Variants in ZNF438 observed in about 807,000 individuals in gnomAD.
ZNF438 encodes zinc finger protein 438.
Under a neutral mutation model 38.0 loss-of-function variants are expected in ZNF438, and 25 were observed. The observed-to-expected ratio is 0.66, with a 90% CI of 0.48 to 0.92. The LOEUF (loss-of-function observed/expected upper bound fraction) is 0.92, where lower values mean the gene tolerates loss of function less well. Ranked by LOEUF, ZNF438 falls within the 40% of genes least tolerant of loss-of-function variation. The pLI, the probability that ZNF438 is intolerant of heterozygous loss-of-function variation, is 0.00. For missense variants in ZNF438, 1,007 were observed against 999.6 expected (o/e 1.01, Z -0.10); for synonymous variants, 372 against 364.1 (o/e 1.02, Z -0.25).
At chr10:31,003,983 T>C (rs1440847679) in intron 1 of ZNF438, among the ~76,000 whole-genome samples, 1 of 152,202 alleles carries the variant, frequency 6.6e-6, no homozygotes, top group African/African-American at 2.4e-5. Context: ...CTAGGAGACA[T>C]TCAAGTGGAG....
intron 4 of ZNF438, among the ~76,000 whole-genome samples, chr10:30,860,123 G>C (rs2133117520): frequency 6.6e-6 from 1 of 152,132 alleles, no homozygotes; most frequent in African/African-American, 2.4e-5. Flanking sequence ...TCTAACCTTG[G>C]CCATAAAGAA....
chr10:30,854,723 T>C (rs1422837625), intron 4 of ZNF438, among the ~76,000 whole-genome samples: 2 of 152,078 alleles, frequency 1.3e-5, no homozygotes, highest in African/African-American at 4.8e-5. Context: ...TGCTGGGGCA[T>C]AAACTGAAAT....
intron 1 of ZNF438, among the ~76,000 whole-genome samples, chr10:30,946,958 A>G (rs1293913605): frequency 6.6e-6 from 1 of 152,264 alleles, no homozygotes; most frequent in African/African-American, 2.4e-5. Context: ...TTCAAATATT[A>G]TACCACGTCA....
At chr10:30,950,448 A>T (rs1737960564) in intron 1 of ZNF438, among the ~76,000 whole-genome samples, 2 of 149,892 alleles carry the variant, frequency 1.3e-5, no homozygotes, top group African/African-American at 4.9e-5. Flanking sequence ...CAAAAAATTA[A>T]TGAATCCAGG....
intron 4 of ZNF438, among the ~76,000 whole-genome samples, chr10:30,861,341 A>T (rs930298261): frequency 6.6e-6 from 1 of 152,256 alleles, no homozygotes; most frequent in East Asian, 1.9e-4. Flanking sequence ...TATTCAATAT[A>T]GATGCAGTTC....
chr10:30,844,909 G>A, exon 6 of ZNF438: 1 of 1,572,838 alleles, frequency 6.4e-7, no homozygotes, highest in Non-Finnish European at 8.6e-7. Context: ...ACGAAGCTCT[G>A]AAGGAAGGTG....
intron 2 of ZNF438, among the ~76,000 whole-genome samples, chr10:30,934,695 T>C (rs186817010): frequency 6.6e-6 from 1 of 152,354 alleles, no homozygotes; most frequent in Admixed American, 6.5e-5. Context: ...CTGAGAATGT[T>C]AATATCAACT....
intron 3 of ZNF438, among the ~76,000 whole-genome samples, chr10:30,878,255 G>T (rs2038731872): frequency 1.3e-5 from 2 of 152,096 alleles, no homozygotes; most frequent in Admixed American, 1.3e-4. Flanking sequence ...CCCATGGCTT[G>T]CCCTGCACCC....
chr10:31,005,387 G>C (rs1036051238), intron 1 of ZNF438, among the ~76,000 whole-genome samples: 1 of 152,166 alleles, frequency 6.6e-6, no homozygotes, highest in African/African-American at 2.4e-5. Flanking sequence ...ACATTATGCA[G>C]AGTGAAATAG....
At chr10:30,918,231 T>C (rs922981801) in intron 2 of ZNF438, among the ~76,000 whole-genome samples, 1 of 152,178 alleles carries the variant, frequency 6.6e-6, no homozygotes, top group Non-Finnish European at 1.5e-5. Flanking sequence ...TCCACCTATG[T>C]TTTTAAGATT....
chr10:30,934,232 G>A (rs1459490747), intron 2 of ZNF438, among the ~76,000 whole-genome samples: 1 of 151,960 alleles, frequency 6.6e-6, no homozygotes, highest in African/African-American at 2.4e-5. Flanking sequence ...GGCAGATGCA[G>A]AAGAGTTGCA....
intron 3 of ZNF438, among the ~76,000 whole-genome samples, chr10:30,892,649 A>G (rs913907317): frequency 2.0e-5 from 3 of 152,100 alleles, no homozygotes; most frequent in Non-Finnish European, 1.5e-5. Flanking sequence ...TTCTCATTCT[A>G]TTCCCCCAAT....
rs115649940 is a variant in ZNF438 at position 30,978,152 on chromosome 10, C to A, written c.-191-36501G>T. On this transcript the variant is annotated intron_variant, in intron 1 of 5. Transcript: ENST00000413025. The stretch of plus-strand genomic sequence containing the variant: ...TTTTATCTGGCTGCTTCTTAGTGTC[C>A]AGGGTACTACCAAACATCGATTCAA... Among the ~76,000 whole-genome samples the A allele has an allele frequency of 4.0e-3, 614 of 152,260 alleles. 7 individuals carry two copies. Among genetic ancestry groups the A allele is most frequent in the African/African-American group, 0.014 (576 of 41,548 alleles).
At chr10:30,949,772 A>C (rs2135741965) in intron 1 of ZNF438, among the ~76,000 whole-genome samples, 1 of 151,636 alleles carries the variant, frequency 6.6e-6, no homozygotes, top group South Asian at 2.1e-4. Context: ...CTACAAAGAG[A>C]CTTAGACTCC....
chr10:30,906,015 T>C (rs2042546445), intron 3 of ZNF438, among the ~76,000 whole-genome samples: 1 of 152,216 alleles, frequency 6.6e-6, no homozygotes, highest in Non-Finnish European at 1.5e-5. Context: ...AACTTTGCTT[T>C]TCTTTTTCAA....
chr10:30,856,033 G>C (rs995568430), intron 4 of ZNF438, among the ~76,000 whole-genome samples: 3 of 152,204 alleles, frequency 2.0e-5, no homozygotes, highest in Middle Eastern at 3.2e-3. Flanking sequence ...TTCCCTAGTT[G>C]AATCAGTTTT....
intron 1 of ZNF438, among the ~76,000 whole-genome samples, chr10:30,944,162 G>A (rs1272016418): frequency 6.6e-6 from 1 of 152,136 alleles, no homozygotes; most frequent in African/African-American, 2.4e-5. Context: ...TGACACATCT[G>A]TTTCGGCAAA....
intron 1 of ZNF438, among the ~76,000 whole-genome samples, chr10:31,028,922 C>A (rs79875332): frequency 0.01 from 1,527 of 152,308 alleles, 21 homozygotes; most frequent in African/African-American, 0.034. Flanking sequence ...TTAGCACAGT[C>A]CCACTGCCTA....
At chr10:31,010,916 AAAAAAAG>A (rs1301466505) in intron 1 of ZNF438, among the ~76,000 whole-genome samples, 1 of 103,602 alleles carries the variant, frequency 9.7e-6, no homozygotes, top group East Asian at 2.5e-4. Flanking sequence ...AAAAAAAAAA[AAAAAAAG>A]ATTTTGTTGA....
Sources: allele counts gnomAD v4.1 joint callset (sites outside exome capture counted in the v4.1 genomes callset), GRCh38; gene constraint gnomAD v4.1.1; transcripts MANE v1.5; gene names NCBI Gene and HGNC (gene_info 2026-07-23, HGNC 2026-07-21).